Variants in MORN5 observed in about 807,000 individuals in gnomAD.
The protein encoded by MORN5 is MORN repeat-containing protein 5.
In MORN5, 21 loss-of-function variants were observed where a neutral mutation model predicts 22.1. The observed-to-expected ratio is 0.95, with a 90% CI of 0.67 to 1.37. The LOEUF (loss-of-function observed/expected upper bound fraction) is 1.37. Among genes scored for constraint, MORN5 ranks in the 40% most tolerant of loss-of-function variants. MORN5 has a pLI of 0.00. For synonymous variants in MORN5, 73 were observed against 74.0 expected (o/e 0.99, Z 0.07); for missense variants, 211 against 215.1 (o/e 0.98, Z 0.12).
intron 4 of MORN5, among the ~76,000 whole-genome samples, chr9:122,194,759 C>T (rs1055897002): frequency 3.3e-5 from 5 of 152,138 alleles, no homozygotes; most frequent in Non-Finnish European, 5.9e-5. Context: ...GTGGACCACA[C>T]CTGTAATCCC....
intron 3 of MORN5, among the ~76,000 whole-genome samples, 181 bp from the exon 4 acceptor site, chr9:122,174,312 TTCA>T (rs1310712024): frequency 3.9e-5 from 6 of 152,204 alleles, no homozygotes; most frequent in Admixed American, 3.9e-4. Context: ...AAGAGCCATG[TTCA>T]GAAAGTTCCT....
chr9:122,182,650 C>T (rs1829553837), intron 4 of MORN5, among the ~76,000 whole-genome samples: 1 of 152,212 alleles, frequency 6.6e-6, no homozygotes, highest in South Asian at 2.1e-4. Context: ...ACTCGGGAGG[C>T]TGAGGCAGGA....
intron 1 of MORN5, 32 bp downstream of exon 1, chr9:122,160,051 C>G (rs775601214): frequency 6.3e-7 from 1 of 1,590,342 alleles, no homozygotes; most frequent in Non-Finnish European, 8.6e-7. Context: ...CTTACTATAC[C>G]TTGAATAGCT....
intron 4 of MORN5, among the ~76,000 whole-genome samples, chr9:122,198,963 C>G (rs1829953745): frequency 6.6e-6 from 1 of 152,140 alleles, no homozygotes; most frequent in African/African-American, 2.4e-5. Context: ...GAGCAACATG[C>G]ATTTTGAGGG....
intron 4 of MORN5, among the ~76,000 whole-genome samples, chr9:122,193,936 C>T (rs1238216771): frequency 2.0e-5 from 3 of 152,224 alleles, no homozygotes; most frequent in Non-Finnish European, 4.4e-5. Flanking sequence ...GAAGGCCAGG[C>T]TGAGGAGTGG....
intron 2 of MORN5, 69 bp downstream of exon 2, chr9:122,166,984 A>G (rs28705075): frequency 0.047 from 68,153 of 1,449,342 alleles, 6,151 homozygotes; most frequent in African/African-American, 0.38. Context: ...ACCCTCTGGC[A>G]CCCCATCCTC....
In MORN5 at chr9:122,190,359, A is replaced by C. The variant is rs73553319; in HGVS notation, c.440-9526A>C. On this transcript the variant is annotated intron_variant, in intron 4 of 4. Transcript: ENST00000373764. Reference sequence around the variant, plus strand: ...TTGCTTGGTAAACTGCTTTACTACGAGTCTTTAACAATTGGCCATGATTTC... The same window carrying C: ...TTGCTTGGTAAACTGCTTTACTACGCGTCTTTAACAATTGGCCATGATTTC... 1.4e-3 allele frequency among the ~76,000 whole-genome samples: 208 copies of C among 150,838 alleles called. 1 individual carries two copies. The highest frequency in any genetic ancestry group is 4.9e-3 in the African/African-American group (203 of 41,094).
chr9:122,196,730 T>C (rs994887297), intron 4 of MORN5, among the ~76,000 whole-genome samples: 2 of 152,256 alleles, frequency 1.3e-5, no homozygotes, highest in Non-Finnish European at 2.9e-5. Flanking sequence ...CTCATCCCAC[T>C]GTGCAGGGCT....
At chr9:122,169,088 T>C (rs1343800143) in intron 2 of MORN5, among the ~76,000 whole-genome samples, 1 of 152,188 alleles carries the variant, frequency 6.6e-6, no homozygotes, top group Non-Finnish European at 1.5e-5. Flanking sequence ...TTCCTCTGCC[T>C]TTTTGTTCTA....
At chr9:122,168,395 G>C (rs1300712150) in intron 2 of MORN5, among the ~76,000 whole-genome samples, 1 of 152,124 alleles carries the variant, frequency 6.6e-6, no homozygotes, top group Non-Finnish European at 1.5e-5. Flanking sequence ...TGTGTAAAGG[G>C]GACTAAGTTT....
In MORN5 at chr9:122,197,614, G is replaced by C. The variant is rs1829922971; in HGVS notation, c.440-2271G>C. On this transcript the variant is annotated intron_variant, in intron 4 of 4. Transcript: ENST00000373764. This position sits in a 1 kb window ranked among gnomAD's most constrained non-coding sequence, Gnocchi z 5.7. ...TGTACAGCCAGGTAGAGAGTGAAAG[G>C]GGTAGTGAAGAGGGCTGTTAAGTCC... Among the ~76,000 whole-genome samples the C allele has an allele frequency of 6.6e-6, 1 of 152,134 alleles. No individual in the cohort carries two copies. Among genetic ancestry groups the C allele is most frequent in the African/African-American group, 2.4e-5 (1 of 41,430 alleles).
At chr9:122,167,323 G>A (rs1019314883) in intron 2 of MORN5, among the ~76,000 whole-genome samples, 1 of 149,200 alleles carries the variant, frequency 6.7e-6, no homozygotes, top group African/African-American at 2.5e-5. Flanking sequence ...TGGGATTACA[G>A]GTGCGCAGGT....
At chr9:122,193,769 C>G (rs1829826327) in intron 4 of MORN5, among the ~76,000 whole-genome samples, 1 of 152,162 alleles carries the variant, frequency 6.6e-6, no homozygotes, top group South Asian at 2.1e-4. Flanking sequence ...GAAGGGTGGT[C>G]CCTTGGGAAT....
chr9:122,182,901 G>T (rs1829558072), intron 4 of MORN5, among the ~76,000 whole-genome samples: 1 of 152,224 alleles, frequency 6.6e-6, no homozygotes, highest in South Asian at 2.1e-4. Context: ...GATACAGTCA[G>T]ATTCAAGTCC....
chr9:122,176,530 G>C (rs1247758522), intron 4 of MORN5, among the ~76,000 whole-genome samples: 2 of 152,132 alleles, frequency 1.3e-5, no homozygotes, highest in Admixed American at 1.3e-4. Flanking sequence ...CTGGACTGTA[G>C]GATCCGTGTG....
At chr9:122,175,396 A>T in intron 4 of MORN5, 1 of 907,764 alleles carries the variant, frequency 1.1e-6, no homozygotes, top group Non-Finnish European at 1.3e-6. Context: ...GAGTCAACAC[A>T]AGGCTGATCA....
intron 2 of MORN5, 29 bp from the exon 3 acceptor site, chr9:122,169,616 G>T (rs969842363): frequency 2.0e-6 from 3 of 1,532,390 alleles, no homozygotes; most frequent in Non-Finnish European, 9.0e-7. Context: ...AGCTTCCTCA[G>T]ATGCACGTGT....
At chr9:122,186,200 C>T (rs930378158) in intron 4 of MORN5, among the ~76,000 whole-genome samples, 2 of 152,104 alleles carry the variant, frequency 1.3e-5, no homozygotes, top group Non-Finnish European at 2.9e-5. Flanking sequence ...AGGGACTTAC[C>T]ACATCCCAGT....
intron 4 of MORN5, among the ~76,000 whole-genome samples, chr9:122,185,078 C>T (rs1243684824): frequency 2.6e-5 from 4 of 152,128 alleles, no homozygotes; most frequent in East Asian, 1.9e-4. Flanking sequence ...TTCTTTGAGA[C>T]GGAGTCTCGC....
Sources: gnomAD v4.1 joint callset for allele counts (sites outside exome capture counted in the v4.1 genomes callset) on GRCh38, gnomAD v4.1.1 for gene constraint, Gnocchi (gnomAD v3.1) non-coding constraint, MANE v1.5 for transcripts, NCBI Gene and HGNC (gene_info 2026-07-23, HGNC 2026-07-21) for gene names.